Variants in MALT1 observed in about 807,000 individuals in gnomAD.
MALT1 encodes the protein mucosa-associated lymphoid tissue lymphoma translocation protein 1.
A neutral mutation model predicts 85.5 loss-of-function variants in MALT1; 36 were observed. The observed-to-expected ratio is 0.42, with a 90% CI of 0.32 to 0.56. The LOEUF (loss-of-function observed/expected upper bound fraction) is 0.56, where lower values mean the gene tolerates loss of function less well. MALT1 is among the 20% of genes least tolerant of loss of function. MALT1 has a pLI of 0.10. For synonymous variants in MALT1, 359 were observed against 361.3 expected, an observed-to-expected ratio of 0.99 and a Z score of 0.07; for missense variants, 716 against 981.6, an observed-to-expected ratio of 0.73 and a Z score of 3.62.
intron 4 of MALT1, 26 bp downstream of exon 4, chr18:58,700,617 T>G (rs1258052655): frequency 6.4e-7 from 1 of 1,563,476 alleles, no homozygotes; most frequent in South Asian, 1.2e-5. Context: ...AGCTGAATGT[T>G]GGGATGGGGA....
intron 10 of MALT1, among the ~76,000 whole-genome samples, chr18:58,724,647 A>G (rs1451876145): frequency 2.0e-5 from 3 of 152,336 alleles, no homozygotes; most frequent in South Asian, 2.1e-4. Flanking sequence ...AAAACTTTGT[A>G]TCATGCACAA....
At chr18:58,711,033 T>G (rs999823802) in intron 7 of MALT1, 80 bp downstream of exon 7, 2 of 867,498 alleles carry the variant, frequency 2.3e-6, no homozygotes, top group African/African-American at 3.6e-5. Context: ...TTTAGCCTAC[T>G]GAGTGCAGTG....
At chr18:58,672,512 C>G (rs993540699) in intron 1 of MALT1, 3 of 152,116 alleles carry the variant, frequency 2.0e-5, no homozygotes, top group Non-Finnish European at 4.4e-5. Context: ...CCTTTACCCT[C>G]TTAAGAATTA....
At chr18:58,724,432 T>C (rs1182039230) in intron 10 of MALT1, among the ~76,000 whole-genome samples, 3 of 152,356 alleles carry the variant, frequency 2.0e-5, no homozygotes, top group Non-Finnish European at 4.4e-5. Context: ...ATAACTCTTA[T>C]GGACTGATGA....
chr18:58,744,028 T>C (rs1003791889), intron 14 of MALT1, among the ~76,000 whole-genome samples: 3 of 138,926 alleles, frequency 2.2e-5, no homozygotes, highest in Non-Finnish European at 4.8e-5. Context: ...TTCAGTGACA[T>C]TGTGCTTTAT....
At chr18:58,729,042 C>A (rs572335537) in intron 10 of MALT1, among the ~76,000 whole-genome samples, 1 of 152,218 alleles carries the variant, frequency 6.6e-6, no homozygotes, top group South Asian at 2.1e-4. Flanking sequence ...CCAGATCTGA[C>A]CCTGTCTTGA....
intron 12 of MALT1, 110 bp from the exon 13 acceptor site, chr18:58,735,092 A>T: frequency 1.1e-6 from 1 of 917,822 alleles, no homozygotes; most frequent in Non-Finnish European, 1.6e-6. Context: ...GGTAACCACC[A>T]TTCTGCTGGG....
At position 58,752,681 on chromosome 18, in the gene MALT1, T is replaced by A. The variant is rs561260534; in HGVS notation, c.*4839T>A. On this transcript the variant is annotated 3_prime_UTR_variant, in exon 17 of 17. Transcript: ENST00000649217. ...TGGGCATAGTTGCACACACCTGTAG[T>A]CCCAGCTACTCAGGAGGCTGAAGTG... 6.7e-6 allele frequency: 1 copy of A among 150,058 alleles called. No individual in the cohort carries two copies. Among genetic ancestry groups the A allele is most frequent in the Non-Finnish European group, 1.5e-5 (1 of 67,800 alleles). The allele number at this position is 150,058 out of a possible 1,614,324, so 9.3% of individuals were successfully genotyped here.
rs1229500154 is a variant in MALT1, at chr18:58,752,783, G to A, written c.*4941G>A. The A allele has an allele frequency of 6.6e-6, 1 of 152,246 alleles. No individual in the cohort carries two copies. Among genetic ancestry groups the A allele is most frequent in the Non-Finnish European group, 1.5e-5 (1 of 68,054 alleles). 9.4% of individuals were successfully genotyped at this position (152,246 alleles called of 1,614,324 possible). A position where few individuals can be genotyped will look rare whatever the true frequency, so the allele number is the denominator to read the frequency against. On this transcript the variant is annotated 3_prime_UTR_variant, in exon 17 of 17. Coordinates refer to ENST00000649217, the MANE Select transcript of MALT1 (RefSeq NM_006785.4). ...CCACTGCACTCCAGCCTGGACGACA[G>A]GGCAAGACGCTGTCTCAAAAATAAA...
intron 13 of MALT1, among the ~76,000 whole-genome samples, chr18:58,740,302 TCTA>T (rs757997152): frequency 2.0e-5 from 3 of 152,192 alleles, no homozygotes; most frequent in Non-Finnish European, 4.4e-5. Flanking sequence ...GTTGATTTCT[TCTA>T]CTTTTTCATT....
rs1012635536 is a variant in MALT1 at position 58,710,969 on chromosome 18, G to A, written c.958+16G>A. The A allele has an allele frequency of 1.3e-6, 2 of 1,561,686 alleles. No individual in the cohort carries two copies. Among genetic ancestry groups the A allele is most frequent in the African/African-American group, 2.8e-5 (2 of 71,924 alleles). The stretch of plus-strand genomic sequence containing the variant: ...TGCACTGAAGGTAGTGTAAGTCTTT[G>A]GTTTGAAACCAAATCTCCTGCATGC... On this transcript the variant is annotated intron_variant, in intron 7 of 16. Transcript: ENST00000649217.
At chr18:58,696,320 T>G in intron 2 of MALT1, 46 bp from the exon 3 acceptor site, 1 of 1,322,408 alleles carries the variant, frequency 7.6e-7, no homozygotes, top group Middle Eastern at 2.4e-4. Context: ...ACAAGGAAAA[T>G]CCCTCTTGTG....
chr18:58,684,572 G>A (rs938721101), intron 2 of MALT1, among the ~76,000 whole-genome samples: 1 of 149,472 alleles, frequency 6.7e-6, no homozygotes, highest in African/African-American at 2.5e-5. Context: ...TCAGCCTCCC[G>A]AGTATCTGGG....
intron 10 of MALT1, among the ~76,000 whole-genome samples, chr18:58,733,104 T>C (rs1286212096): frequency 6.6e-6 from 1 of 152,030 alleles, no homozygotes; most frequent in African/African-American, 2.4e-5. Context: ...AGAGATGGGG[T>C]TTCACCACGT....
intron 2 of MALT1, among the ~76,000 whole-genome samples, chr18:58,688,113 TG>T (rs1005195309): frequency 6.6e-6 from 1 of 152,166 alleles, no homozygotes; most frequent in East Asian, 1.9e-4. Context: ...GGTGCTGCAT[TG>T]GGGTGGCTAA....
chr18:58,725,183 G>A (rs529729629), intron 10 of MALT1, among the ~76,000 whole-genome samples: 10 of 151,476 alleles, frequency 6.6e-5, no homozygotes, highest in South Asian at 2.1e-4. Flanking sequence ...TTAGCTGGGC[G>A]TGGTGGTGCA....
chr18:58,682,966 C>T (rs1480412525), intron 2 of MALT1, among the ~76,000 whole-genome samples: 1 of 152,164 alleles, frequency 6.6e-6, no homozygotes, highest in Non-Finnish European at 1.5e-5. Flanking sequence ...GTGGGAATAA[C>T]TAGCTGCTAA....
rs1287277023 is a variant in MALT1, at chr18:58,754,415, G to A, written c.*6573G>A. 1 of 152,204 alleles carries A rather than the reference G, an allele frequency of 6.6e-6. No individual in the cohort carries two copies. The highest frequency in any genetic ancestry group is 2.4e-5 in the African/African-American group (1 of 41,440). 9.4% of individuals were successfully genotyped at this position (152,204 alleles called of 1,614,324 possible). On this transcript the variant is annotated 3_prime_UTR_variant, in exon 17 of 17. Transcript: ENST00000649217. ...TTGCTACATTATGCTCAATACAGCA[G>A]GCTGTTCTGCTAGGGAAATTGTTAA...
At chr18:58,719,740 C>T (rs2054958267) in intron 9 of MALT1, among the ~76,000 whole-genome samples, 1 of 152,202 alleles carries the variant, frequency 6.6e-6, no homozygotes, top group Admixed American at 6.5e-5. Context: ...TGCCAAACTA[C>T]ATCACCAGTC....
Sources: gnomAD v4.1 joint callset for allele counts (sites outside exome capture counted in the v4.1 genomes callset) on GRCh38, gnomAD v4.1.1 for gene constraint, MANE v1.5 for transcripts, NCBI Gene and HGNC (gene_info 2026-07-23, HGNC 2026-07-21) for gene names.